SPINK9: variants seen among roughly 807,000 people sequenced by gnomAD.
The protein encoded by SPINK9 is serine peptidase inhibitor Kazal type 9.
In SPINK9, 3 loss-of-function variants were observed where a neutral mutation model predicts 10.8. That is an observed-to-expected ratio of 0.28 (90% CI 0.13 to 0.72). The LOEUF is 0.72. Among genes scored for constraint, SPINK9 ranks in the 30% least tolerant of loss-of-function variants. The probability of loss-of-function intolerance (pLI) is 0.74; values close to 1 mark genes in which losing one functional copy is unlikely to be tolerated. For missense variants in SPINK9, 101 were observed against 103.2 expected (o/e 0.98, Z 0.09); for synonymous variants, 30 against 31.2 (o/e 0.96, Z 0.12).
At chr5:148,322,572 T>A (rs1757011774) in intron 1 of SPINK9, among the ~76,000 whole-genome samples, 1 of 152,160 alleles carries the variant, frequency 6.6e-6, no homozygotes, top group African/African-American at 2.4e-5. Flanking sequence ...CAAATACTAT[T>A]TCCAGAGTTT....
chr5:148,328,114 A>G lies in SPINK9; in HGVS notation c.118+4246A>G, dbSNP rs960159513. 5.3e-5 allele frequency among the ~76,000 whole-genome samples: 8 copies of G among 152,238 alleles called. No homozygotes were observed. In the South Asian group the frequency reaches 8.3e-4, roughly 16 times the overall value. On this transcript the variant is annotated intron_variant, in intron 2 of 4. Transcript: ENST00000511717. ...CCTTGGGCAGTATGGCCATTTTCAC[A>G]ATATTGATTCTTCCTATCCATGAGC...
chr5:148,333,506 T>C (rs1292423297), upstream of SPINK9, among the ~76,000 whole-genome samples: 1 of 152,254 alleles, frequency 6.6e-6, no homozygotes, highest in African/African-American at 2.4e-5. Flanking sequence ...TTACCCACTT[T>C]TAATTATATG....
chr5:148,332,528 G>C (rs973484623), upstream of SPINK9, among the ~76,000 whole-genome samples: 2 of 152,218 alleles, frequency 1.3e-5, no homozygotes, highest in Non-Finnish European at 2.9e-5. Context: ...GGGACATCTG[G>C]AAGATTATAA....
chr5:148,333,090 T>G (rs985618875), upstream of SPINK9, among the ~76,000 whole-genome samples: 1 of 152,186 alleles, frequency 6.6e-6, no homozygotes, highest in Non-Finnish European at 1.5e-5. Flanking sequence ...TCTGGACTAG[T>G]GATCTTCCCA....
At chr5:148,327,446 TC>T (rs1384678696) in intron 2 of SPINK9, among the ~76,000 whole-genome samples, 1 of 152,136 alleles carries the variant, frequency 6.6e-6, no homozygotes, top group Non-Finnish European at 1.5e-5. Context: ...TTTCTCTCAT[TC>T]TGTAGGTTGC....
chr5:148,324,583 C>A (rs1251380048), intron 2 of SPINK9, among the ~76,000 whole-genome samples: 1 of 151,958 alleles, frequency 6.6e-6, no homozygotes, highest in Non-Finnish European at 1.5e-5. Context: ...AGATATCAGA[C>A]AAACTCAAAT....
chr5:148,329,238 G>A (rs1169088163), intron 2 of SPINK9, among the ~76,000 whole-genome samples: 2 of 152,198 alleles, frequency 1.3e-5, no homozygotes, highest in Admixed American at 6.5e-5. Flanking sequence ...TCTTGGGAGA[G>A]TGTATGTGTT....
At chr5:148,339,209 T>C (rs1043261747) in intron 3 of SPINK9, among the ~76,000 whole-genome samples, 2 of 152,134 alleles carry the variant, frequency 1.3e-5, no homozygotes, top group Admixed American at 6.6e-5. Flanking sequence ...ATCTCCAAGA[T>C]ATATTAACAT....
In SPINK9 at chr5:148,335,627, C is replaced by G. The variant is rs201824427; in HGVS notation, c.14C>G (p.Ala5Gly). 3.2e-5 allele frequency: 51 copies of G among 1,613,648 alleles called. 1 individual carries two copies. The East Asian group carries it at 1.1e-3, about 36-fold the overall frequency. The change falls in exon 1 of 4, where the codon GCC (alanine) becomes GGC (glycine). Residue 5 changes from alanine (A) to glycine (G), a missense_variant. Ala to Gly is a moderately conservative substitution (Grantham distance 60). Coordinates refer to ENST00000377906, the MANE Select transcript of SPINK9 (RefSeq NM_001040433.2). MRAT[A>G]IVLLLALTLA... ...CACTTCAGTACTATGAGAGCAACAG[C>G]CATAGTCCTACTCTTGGCTCTGACA... is the stretch of plus-strand genomic sequence containing the variant.
At chr5:148,331,868 G>T (rs953230521), upstream of SPINK9, among the ~76,000 whole-genome samples, 3 of 152,296 alleles carry the variant, frequency 2.0e-5, no homozygotes, top group African/African-American at 7.2e-5. Context: ...TAGCTTTGTA[G>T]TAAATTTTAA....
At chr5:148,327,630 T>C (rs1468616342) in intron 2 of SPINK9, among the ~76,000 whole-genome samples, 4 of 152,086 alleles carry the variant, frequency 2.6e-5, no homozygotes, top group Admixed American at 6.6e-5. Flanking sequence ...AGGGTTTTTA[T>C]GGTTTTAGGT....
intron 3 of SPINK9, 87 bp from the exon 4 acceptor site, chr5:148,339,579 AT>A (rs1757262511): frequency 8.7e-7 from 1 of 1,143,552 alleles, no homozygotes; most frequent in East Asian, 2.4e-5. Context: ...ACTTGAATAC[AT>A]TTTTGGGATT....
intron 2 of SPINK9, among the ~76,000 whole-genome samples, chr5:148,328,331 G>C (rs1757097194): frequency 6.6e-6 from 1 of 152,158 alleles, no homozygotes; most frequent in Non-Finnish European, 1.5e-5. Flanking sequence ...AAGAATGCTT[G>C]TGATTTTTGT....
At chr5:148,325,029 C>T (rs1406393818) in intron 2 of SPINK9, among the ~76,000 whole-genome samples, 2 of 152,024 alleles carry the variant, frequency 1.3e-5, no homozygotes, top group East Asian at 3.8e-4. Context: ...TAAAATCATG[C>T]AATATGTGCT....
chr5:148,323,949 C>A, intron 2 of SPINK9: 1 of 620,252 alleles, frequency 1.6e-6, no homozygotes, highest in South Asian at 1.9e-5. Context: ...ATAATCACCC[C>A]TAATTAGACA....
At position 148,323,994 on chromosome 5, in the gene SPINK9, C is replaced by A. The variant is rs1168811574; in HGVS notation, c.118+126C>A. On this transcript the variant is annotated intron_variant, in intron 2 of 4. Coordinates refer to the SPINK9 transcript ENST00000511717. The stretch of plus-strand genomic sequence containing the variant: ...TGGGAGTCAGATGAGATAATGCATG[C>A]AAACATGCTTTATAAACTATAATGT... 40 of 478,542 alleles carry A rather than the reference C, an allele frequency of 8.4e-5. No individual in the cohort carries two copies. The East Asian group carries it at 1.3e-3, about 15-fold the overall frequency. 29.6% of individuals were successfully genotyped at this position (478,542 alleles called of 1,614,324 possible). A position where few individuals can be genotyped will look rare whatever the true frequency, so the allele number is the denominator to read the frequency against.
chr5:148,336,082 T>C (rs1412408604), intron 1 of SPINK9, among the ~76,000 whole-genome samples: 2 of 152,198 alleles, frequency 1.3e-5, no homozygotes, highest in African/African-American at 4.8e-5. Flanking sequence ...CATCTACACC[T>C]GTCCACAATA....
chr5:148,330,027 G>T (rs1392073689), intron 2 of SPINK9, among the ~76,000 whole-genome samples: 1 of 152,116 alleles, frequency 6.6e-6, no homozygotes, highest in African/African-American at 2.4e-5. Flanking sequence ...AGGTCTGCTT[G>T]GTGCAGAGCT....
At chr5:148,329,415 GC>G (rs1757116741) in intron 2 of SPINK9, among the ~76,000 whole-genome samples, 1 of 151,794 alleles carries the variant, frequency 6.6e-6, no homozygotes, top group Non-Finnish European at 1.5e-5. Context: ...TATTAGTCTT[GC>G]TAGCCGTCTA....
Sources: gnomAD v4.1 joint callset for allele counts (sites outside exome capture counted in the v4.1 genomes callset) on GRCh38, gnomAD v4.1.1 for gene constraint, MANE v1.5 for transcripts, NCBI Gene and HGNC (gene_info 2026-07-23, HGNC 2026-07-21) for gene names.